The following JADE3 variants were observed in gnomAD, a reference collection of about 807,000 sequenced individuals.
JADE3 encodes the protein protein Jade-3.
Under a neutral mutation model 50.1 loss-of-function variants are expected in JADE3, and 2 were observed. That is an observed-to-expected ratio of 0.04 (90% CI 0.02 to 0.13). The LOEUF (loss-of-function observed/expected upper bound fraction) is 0.13. Ranked by LOEUF, JADE3 falls within the 10% of genes least tolerant of loss-of-function variation. The pLI, the probability that JADE3 is intolerant of heterozygous loss-of-function variation, is 1.00. For synonymous variants in JADE3, 218 were observed against 232.9 expected (o/e 0.94, Z 0.58); for missense variants, 475 against 634.4 (o/e 0.75, Z 2.70).
intron 1 of JADE3, among the ~76,000 whole-genome samples, chrX:46,978,158 TTC>T (rs1556352019): frequency 8.9e-6 from 1 of 111,802 alleles, no homozygotes; most frequent in African/African-American, 3.3e-5. Flanking sequence ...ATTGGAAGAA[TTC>T]TCTTGGGTCA....
At position 46,939,065 on chromosome X, in the gene JADE3, GA is replaced by G. The variant is rs1556341771; in HGVS notation, c.-12+26347del. ...TGGTCTCAAACTCCTGACCTCAAGTGATCCACTCACCTTGGCCTCCCAAAGT... is the reference window on the plus strand; with the variant it reads ...TGGTCTCAAACTCCTGACCTCAAGTGTCCACTCACCTTGGCCTCCCAAAGT... On this transcript the variant is annotated intron_variant, in intron 1 of 10. Coordinates refer to ENST00000614628, the MANE Select transcript of JADE3 (RefSeq NM_014735.5). Among the ~76,000 whole-genome samples, 4 of 112,080 alleles carry G rather than the reference GA, an allele frequency of 3.6e-5. No homozygotes were observed. In the East Asian group the frequency reaches 1.1e-3, roughly 31 times the overall value.
chrX:46,937,316 T>G (rs1406964627), intron 1 of JADE3, among the ~76,000 whole-genome samples: 1 of 111,574 alleles, frequency 9.0e-6, no homozygotes, highest in Non-Finnish European at 1.9e-5. Context: ...ATATTTTATA[T>G]TTTGGAAGGT....
intron 1 of JADE3, among the ~76,000 whole-genome samples, chrX:46,950,509 T>C (rs1890631045): frequency 8.9e-6 from 1 of 112,360 alleles, no homozygotes. Flanking sequence ...ATCATGTGGA[T>C]GTACCACATC....
chrX:46,969,709 C>T (rs970424867), intron 1 of JADE3, among the ~76,000 whole-genome samples: 5 of 108,829 alleles, frequency 4.6e-5, no homozygotes, highest in Non-Finnish European at 7.7e-5. Flanking sequence ...TGGTGGCAGG[C>T]ACCCAGCTAC....
chrX:46,946,199 G>T (rs1409226292), intron 1 of JADE3, among the ~76,000 whole-genome samples: 5 of 111,486 alleles, frequency 4.5e-5, no homozygotes, highest in African/African-American at 1.6e-4. Context: ...ATAGGTTTAA[G>T]AAAATAAGGA....
chrX:46,998,871 T>A (rs1198697535), intron 4 of JADE3, among the ~76,000 whole-genome samples: 2 of 109,913 alleles, frequency 1.8e-5, no homozygotes, highest in Non-Finnish European at 3.8e-5. Context: ...TTTTTTGGTA[T>A]TTGTTTTAAT....
rs1361131719 is a variant in JADE3, at chrX:47,046,149, AAAG to A, written c.972+7086_972+7088del. ...TTTAGCCCAACTCACTGAGAAAAAA[AAAG>A]AGAGAAACCCCAAATAAATAAAATC... On this transcript the variant is annotated intron_variant, in intron 8 of 10. Coordinates refer to ENST00000614628, the MANE Select transcript of JADE3 (RefSeq NM_014735.5). Among the ~76,000 whole-genome samples the A allele has an allele frequency of 3.3e-4, 37 of 111,711 alleles. No homozygotes were observed. The East Asian group carries it at 6.7e-3, about 20-fold the overall frequency.
chrX:46,913,992 G>C (rs1336197436), intron 1 of JADE3, among the ~76,000 whole-genome samples: 1 of 111,385 alleles, frequency 9.0e-6, no homozygotes, highest in Non-Finnish European at 1.9e-5. Context: ...CGTGTTGAAG[G>C]TGATTCCAGT....
At chrX:47,016,150 T>C (rs1928672057) in intron 4 of JADE3, among the ~76,000 whole-genome samples, 1 of 110,932 alleles carries the variant, frequency 9.0e-6, no homozygotes, top group African/African-American at 3.3e-5. Context: ...CTTACCTACC[T>C]ACATATCATT....
At chrX:47,037,417 A>G in intron 7 of JADE3, among the ~76,000 whole-genome samples, 1 of 112,039 alleles carries the variant, frequency 8.9e-6, no homozygotes, top group South Asian at 3.7e-4. Flanking sequence ...ATGTAGCACC[A>G]TCTCTTAACA....
At chrX:46,972,964 AT>A (rs781847555) in intron 1 of JADE3, among the ~76,000 whole-genome samples, 1 of 112,460 alleles carries the variant, frequency 8.9e-6, no homozygotes, top group African/African-American at 3.2e-5. Context: ...GGCTGCCTTC[AT>A]GCTACAATGG....
At chrX:46,944,027 TG>T (rs1446907865) in intron 1 of JADE3, among the ~76,000 whole-genome samples, 1 of 111,229 alleles carries the variant, frequency 9.0e-6, no homozygotes, top group Admixed American at 9.6e-5. Flanking sequence ...GAGGATCTCT[TG>T]TATTTCTGTG....
Position 47,027,911 on chromosome X carries a change from G to A in JADE3, c.495G>A (p.Glu165=). ...GTGCAGGTTGTGGGCCAGTTGATGA[G>A]AATCTTATGGAAAAGACAGTAGAAG... ...LAEMGCGPVD[E]NLMEKTVEVL... The change falls in exon 6 of 11, where the codon GAG becomes GAA. Residue 165 remains glutamate, a synonymous_variant. Coordinates refer to ENST00000614628, the MANE Select transcript of JADE3 (RefSeq NM_014735.5). 8.3e-7 allele frequency: 1 copy of A among 1,209,671 alleles called. No homozygotes were observed. Among genetic ancestry groups the A allele is most frequent in the Non-Finnish European group, 1.1e-6 (1 of 893,894 alleles).
intron 1 of JADE3, among the ~76,000 whole-genome samples, chrX:46,956,630 G>A (rs1280010598): frequency 9.1e-6 from 1 of 110,422 alleles, no homozygotes; most frequent in Non-Finnish European, 1.9e-5. Flanking sequence ...GGGCTCAAGC[G>A]ATCCTCCCAC....
chrX:46,936,017 ATTTTTT>A (rs145853620), intron 1 of JADE3, among the ~76,000 whole-genome samples: 1 of 76,606 alleles, frequency 1.3e-5, no homozygotes, highest in African/African-American at 5.2e-5. Flanking sequence ...GAATACATTG[ATTTTTT>A]TTTTTTTTTT....
At chrX:46,919,314 T>C (rs1926171586) in intron 1 of JADE3, among the ~76,000 whole-genome samples, 1 of 112,103 alleles carries the variant, frequency 8.9e-6, no homozygotes, top group South Asian at 3.7e-4. Flanking sequence ...TACTAGATTT[T>C]GTGGTCAAGC....
At chrX:46,934,499 T>C (rs986831802) in intron 1 of JADE3, among the ~76,000 whole-genome samples, 7 of 111,299 alleles carry the variant, frequency 6.3e-5, no homozygotes, top group African/African-American at 2.0e-4. Flanking sequence ...GGGGTTTCAC[T>C]GTGTTAGCCA....
chrX:47,005,584 A>G (rs900810939), intron 4 of JADE3, among the ~76,000 whole-genome samples: 3 of 112,108 alleles, frequency 2.7e-5, no homozygotes, highest in Admixed American at 9.5e-5. Flanking sequence ...CCAGTCAAAC[A>G]CCACAGAAAA....
At chrX:47,046,030 T>C (rs1164295068) in intron 8 of JADE3, among the ~76,000 whole-genome samples, 2 of 108,630 alleles carry the variant, frequency 1.8e-5, no homozygotes, top group Non-Finnish European at 3.8e-5. Flanking sequence ...AAAGGAAATA[T>C]AAAGATCAGA....
Sources: allele counts gnomAD v4.1 joint callset (sites outside exome capture counted in the v4.1 genomes callset), GRCh38; gene constraint gnomAD v4.1.1; transcripts MANE v1.5; gene names NCBI Gene and HGNC (gene_info 2026-07-23, HGNC 2026-07-21).